Variants in TEX9 observed in about 807,000 individuals in gnomAD.
TEX9 encodes the protein testis expressed 9, also known as testis-expressed protein 9.
In TEX9, 74 loss-of-function variants were observed where a neutral mutation model predicts 59.6. The observed-to-expected ratio is 1.24, with a 90% CI of 1.03 to 1.51. The LOEUF is 1.51. TEX9 is among the 40% of genes most tolerant of loss of function. The pLI is 0.00. For synonymous variants in TEX9, 186 were observed against 152.2 expected (o/e 1.22, Z -1.64); for missense variants, 522 against 447.8 (o/e 1.17, Z -1.49).
intron 10 of TEX9, among the ~76,000 whole-genome samples, chr15:56,416,013 T>G (rs1204548579): frequency 2.0e-5 from 3 of 151,828 alleles, no homozygotes; most frequent in Non-Finnish European, 4.4e-5. Flanking sequence ...CTTTTCTGAT[T>G]TGGCTCTTGG....
At position 56,331,248 on chromosome 15, in the gene TEX9, A is replaced by G. The variant is rs113720632; in HGVS notation, c.-106-42193A>G. On this transcript the variant is annotated intron_variant, in intron 1 of 5. Coordinates refer to the TEX9 transcript ENST00000560827. ...ACTTTCAGCATTGGACAGATCATCC[A>G]GACAGAAAATCAGCAAGGAAACATC... is the stretch of plus-strand genomic sequence containing the variant. Among the ~76,000 whole-genome samples the G allele has an allele frequency of 4.5e-3, 681 of 152,334 alleles. 2 individuals carry two copies. The highest frequency in any genetic ancestry group is 0.01 in the Middle Eastern group (3 of 294).
intron 6 of TEX9, among the ~76,000 whole-genome samples, chr15:56,390,931 AC>A (rs2048178547): frequency 1.3e-5 from 2 of 152,084 alleles, no homozygotes; most frequent in Admixed American, 6.6e-5. Flanking sequence ...CAAAGTCTAT[AC>A]CATCTGGCCT....
At chr15:56,341,140 A>G (rs1204613651) in intron 1 of TEX9, among the ~76,000 whole-genome samples, 32 of 152,154 alleles carry the variant, frequency 2.1e-4, no homozygotes, top group African/African-American at 7.5e-4. Context: ...TCTTTAATTA[A>G]TACCAATGAA....
intron 6 of TEX9, 25 bp downstream of exon 6, chr15:56,389,425 T>C (rs769310757): frequency 6.7e-5 from 102 of 1,526,420 alleles, no homozygotes; most frequent in Non-Finnish European, 8.9e-5. Flanking sequence ...TCAAAGTATT[T>C]CTTTTTTTTT....
At chr15:56,253,397 C>T (rs1373308633) in intron 1 of TEX9, among the ~76,000 whole-genome samples, 1 of 152,084 alleles carries the variant, frequency 6.6e-6, no homozygotes, top group Non-Finnish European at 1.5e-5. Flanking sequence ...CAAATATCAA[C>T]CCCAGAACTG....
upstream of TEX9, among the ~76,000 whole-genome samples, chr15:56,361,790 G>A (rs549087340): frequency 1.3e-5 from 2 of 152,156 alleles, no homozygotes; most frequent in Non-Finnish European, 2.9e-5. Flanking sequence ...GATTATAGAG[G>A]CAGAGAGAGG....
chr15:56,265,390 C>T (rs1019857020), intron 1 of TEX9, among the ~76,000 whole-genome samples: 13 of 151,904 alleles, frequency 8.6e-5, no homozygotes, highest in Non-Finnish European at 1.3e-4. Flanking sequence ...CCAGGCTGGT[C>T]TCGAACTCCT....
chr15:56,380,546 A>G (rs1314870629), intron 3 of TEX9, among the ~76,000 whole-genome samples: 2 of 151,776 alleles, frequency 1.3e-5, no homozygotes, highest in Admixed American at 1.3e-4. Context: ...GCTCATTAAC[A>G]TCCTTTTCTT....
intron 9 of TEX9, chr15:56,396,896 C>T (rs1281106918): frequency 6.6e-6 from 1 of 152,294 alleles, no homozygotes; most frequent in East Asian, 1.9e-4. Flanking sequence ...TGTAAATTGC[C>T]CAGTCTTGGG....
chr15:56,395,780 T>A (rs1056499833), intron 9 of TEX9: 1 of 152,214 alleles, frequency 6.6e-6, no homozygotes, highest in Non-Finnish European at 1.5e-5. Flanking sequence ...TTTGGAGAAA[T>A]GTCTGTTAAG....
the TEX9 span, among the ~76,000 whole-genome samples, chr15:56,457,331 A>T: frequency 6.6e-6 from 1 of 152,154 alleles, no homozygotes; most frequent in African/African-American, 2.4e-5. Flanking sequence ...AAACACATGA[A>T]AAGATATTCA....
intron 1 of TEX9, among the ~76,000 whole-genome samples, chr15:56,254,679 AG>A (rs1185876184): frequency 6.6e-6 from 1 of 151,966 alleles, no homozygotes; most frequent in African/African-American, 2.4e-5. Flanking sequence ...CACCAAACTC[AG>A]AAAAAATAAT....
At chr15:56,432,553 A>T (rs1310759763) in intron 12 of TEX9, among the ~76,000 whole-genome samples, 1 of 152,226 alleles carries the variant, frequency 6.6e-6, no homozygotes, top group South Asian at 2.1e-4. Flanking sequence ...GGACAAAACT[A>T]AGCCGACAGC....
chr15:56,455,472 A>G, the TEX9 span, among the ~76,000 whole-genome samples: 1 of 152,170 alleles, frequency 6.6e-6, no homozygotes, highest in Non-Finnish European at 1.5e-5. Context: ...ACAAGGTTCA[A>G]AATCCATGAA....
rs534019377 is a variant in TEX9, at chr15:56,276,362, A to G, written c.-107+32084A>G. Among the ~76,000 whole-genome samples the G allele has an allele frequency of 2.0e-5, 3 of 152,028 alleles. No homozygotes were observed. The East Asian group carries it at 5.8e-4, about 30-fold the overall frequency. The stretch of plus-strand genomic sequence containing the variant: ...ACACCTTGACAGGCCCTGGTGTGTG[A>G]TGTTCCCCTCCCTGTGTCCATGTGT... On this transcript the variant is annotated intron_variant, in intron 1 of 5. Transcript: ENST00000560827.
At chr15:56,376,112 C>G (rs941317814) in intron 3 of TEX9, among the ~76,000 whole-genome samples, 3 of 149,280 alleles carry the variant, frequency 2.0e-5, no homozygotes, top group African/African-American at 2.5e-5. Context: ...AGGAGATATA[C>G]CTAATGCTAA....
At chr15:56,357,436 T>G (rs2046705444) in intron 1 of TEX9, among the ~76,000 whole-genome samples, 1 of 152,160 alleles carries the variant, frequency 6.6e-6, no homozygotes, top group Non-Finnish European at 1.5e-5. Context: ...TTTATCCTCT[T>G]TGTGATGCAC....
At chr15:56,445,422 C>A (rs1453436857) in intron 12 of TEX9, among the ~76,000 whole-genome samples, 2 of 151,898 alleles carry the variant, frequency 1.3e-5, no homozygotes, top group African/African-American at 4.8e-5. Context: ...ATGATCACAT[C>A]CCGAATGATG....
chr15:56,326,159 C>T (rs886235715), intron 1 of TEX9, among the ~76,000 whole-genome samples: 8 of 152,138 alleles, frequency 5.3e-5, no homozygotes, highest in African/African-American at 1.9e-4. Context: ...AAATTTATTT[C>T]AATTTTGGAC....
Sources: gnomAD v4.1 joint callset for allele counts (sites outside exome capture counted in the v4.1 genomes callset) on GRCh38, gnomAD v4.1.1 for gene constraint, MANE v1.5 for transcripts, NCBI Gene and HGNC (gene_info 2026-07-23, HGNC 2026-07-21) for gene names.